The following KLC1 variants were observed in gnomAD, a reference collection of about 807,000 sequenced individuals.
KLC1 encodes kinesin 2 60/70kDa.
KLC1 carries 30 observed loss-of-function variants against 84.2 expected under a neutral mutation model. The observed-to-expected ratio is 0.36, with a 90% CI of 0.27 to 0.48. The LOEUF (loss-of-function observed/expected upper bound fraction) is 0.48. Among genes scored for constraint, KLC1 ranks in the 20% least tolerant of loss-of-function variants. The pLI, the probability that KLC1 is intolerant of heterozygous loss-of-function variation, is 0.99. For synonymous variants in KLC1, 289 were observed against 293.3 expected (o/e 0.99, Z 0.15); for missense variants, 499 against 805.4 (o/e 0.62, Z 4.60).
At chr14:103,629,567 T>A (rs2076504578) in intron 1 of KLC1, 73 bp downstream of exon 1, 1 of 152,516 alleles carries the variant, frequency 6.6e-6, no homozygotes, top group Non-Finnish European at 1.5e-5. Flanking sequence ...CCGCTCCTCT[T>A]CGGACCCGCC....
At chr14:103,655,661 T>C (rs1265467096) in intron 2 of KLC1, among the ~76,000 whole-genome samples, 3 of 151,636 alleles carry the variant, frequency 2.0e-5, no homozygotes, top group Admixed American at 1.3e-4. Flanking sequence ...CAGGCTGGAG[T>C]GCAATGGCTC....
intron 1 of KLC1, among the ~76,000 whole-genome samples, chr14:103,649,296 A>G (rs1435686650): frequency 6.6e-6 from 1 of 152,076 alleles, no homozygotes; most frequent in Non-Finnish European, 1.5e-5. Context: ...GAAAACCACA[A>G]TACTATATAA....
At chr14:103,662,235 G>T (rs768708225) in intron 4 of KLC1, 41 bp downstream of exon 4, 9 of 1,479,298 alleles carry the variant, frequency 6.1e-6, no homozygotes, top group Middle Eastern at 1.7e-4. Context: ...GAGTGCAGAA[G>T]AGAGGTGTTC....
In KLC1 at chr14:103,679,546, G is replaced by T. The variant is rs770845853; in HGVS notation, c.1650+1G>T. 3 of 1,612,294 alleles carry T rather than the reference G, an allele frequency of 1.9e-6. No individual in the cohort carries two copies. Among genetic ancestry groups the T allele is most frequent in the Non-Finnish European group, 1.7e-6 (2 of 1,178,500 alleles). ...GAGTATGAGCGTAGAGTGGAACGGG[G>T]TAAGTACAGTACACAGCGGGCACGT... On this transcript the variant is annotated splice_donor_variant, in intron 13 of 16. Transcript: ENST00000334553. LOFTEE classifies it high-confidence loss of function.
At chr14:103,640,370 T>C (rs983440464) in intron 1 of KLC1, among the ~76,000 whole-genome samples, 1 of 151,446 alleles carries the variant, frequency 6.6e-6, no homozygotes, top group African/African-American at 2.4e-5. Flanking sequence ...TGTGAATTCT[T>C]TTTTTTTTGA....
intron 13 of KLC1, among the ~76,000 whole-genome samples, chr14:103,682,053 G>A (rs1411778990): frequency 6.6e-6 from 1 of 152,088 alleles, no homozygotes; most frequent in Non-Finnish European, 1.5e-5. Flanking sequence ...TTAAAATAGA[G>A]ACATAGGTGT....
chr14:103,687,832 TG>T (rs1417050770), intron 14 of KLC1: 1 of 152,222 alleles, frequency 6.6e-6, no homozygotes, highest in African/African-American at 2.4e-5. Context: ...AGATATCCTT[TG>T]TTTTTAATAT....
At position 103,699,854 on chromosome 14, in the gene KLC1, G is replaced by A. The variant is rs577356045; in HGVS notation, c.1849-801G>A. 183 of 499,810 alleles carry A rather than the reference G, an allele frequency of 3.7e-4. No individual in the cohort carries two copies. In the East Asian group the frequency reaches 4.5e-3, roughly 12 times the overall value. 31.0% of individuals were successfully genotyped at this position (499,810 alleles called of 1,614,324 possible). The stretch of plus-strand genomic sequence containing the variant: ...GTCACCCCTTGGCTGTGCCAACACC[G>A]TCCTCTGTAGAGGTGTCCTTTGCGC... On this transcript the variant is annotated intron_variant, in intron 15 of 16. Transcript: ENST00000334553.
intron 14 of KLC1, among the ~76,000 whole-genome samples, chr14:103,691,615 C>G (rs1345850732): frequency 1.1e-4 from 16 of 151,812 alleles, no homozygotes; most frequent in Admixed American, 1.1e-3. Context: ...ATTACAGGCA[C>G]ATGCCACCAT....
intron 15 of KLC1, chr14:103,696,962 C>T: frequency 3.0e-6 from 3 of 985,446 alleles, no homozygotes; most frequent in Non-Finnish European, 3.6e-6. Context: ...CCCTCGGCCC[C>T]TTCCCTCCAG....
intron 13 of KLC1, chr14:103,683,134 A>C (rs1218864258): frequency 1.3e-5 from 2 of 152,342 alleles, no homozygotes; most frequent in South Asian, 2.1e-4. Flanking sequence ...CAAACTGGTT[A>C]ATGATAATCG....
chr14:103,643,488 G>C (rs1182023333), intron 1 of KLC1, among the ~76,000 whole-genome samples: 1 of 152,220 alleles, frequency 6.6e-6, no homozygotes, highest in Non-Finnish European at 1.5e-5. Context: ...TATTTGAAAA[G>C]ATTTATTCTG....
At chr14:103,650,540 A>C (rs988397492) in intron 1 of KLC1, among the ~76,000 whole-genome samples, 6 of 151,968 alleles carry the variant, frequency 3.9e-5, no homozygotes, top group African/African-American at 1.2e-4. Flanking sequence ...TGCAGAAATC[A>C]GTAAATCAGT....
Position 103,692,479 on chromosome 14 carries a change from T to C in KLC1, c.1848+54T>C, listed in dbSNP as rs1281681913. 4.7e-6 allele frequency: 7 copies of C among 1,476,390 alleles called. No individual in the cohort carries two copies. The African/African-American group carries it at 9.7e-5, about 21-fold the overall frequency. The allele number at this position is 1,476,390 out of a possible 1,614,324, so 91.5% of individuals were successfully genotyped here. A position where few individuals can be genotyped will look rare whatever the true frequency, so the allele number is the denominator to read the frequency against. On this transcript the variant is annotated intron_variant, in intron 15 of 16. Transcript: ENST00000334553. The stretch of plus-strand genomic sequence containing the variant: ...AGGCTGCCCAGACCACGCTGGCAGG[T>C]CTGCTGCAGACCCGCACTCGGCCCC...
intron 2 of KLC1, among the ~76,000 whole-genome samples, 193 bp downstream of exon 2, chr14:103,655,018 G>C (rs2078722955): frequency 6.6e-6 from 1 of 152,112 alleles, no homozygotes; most frequent in Non-Finnish European, 1.5e-5. Context: ...CTTGAGGTCA[G>C]GAGTTTGAGA....
intron 15 of KLC1, chr14:103,699,504 T>C: frequency 6.2e-7 from 1 of 1,613,008 alleles, no homozygotes; most frequent in African/African-American, 1.3e-5. Flanking sequence ...ACCGAGTCGA[T>C]GACCACCAGG....
rs770774833 is a variant in KLC1, at chr14:103,694,686, AC to A, written c.1848+2262del. ...ACGGGATGGAGGGGCGGTCTGTGAA[AC>A]ACCAGCCATCCCGTGAAAGCTCAGC... is the stretch of plus-strand genomic sequence containing the variant. On this transcript the variant is annotated intron_variant, in intron 15 of 16. Transcript: ENST00000334553. The surrounding 1 kb of genome is among the most constrained non-coding windows in gnomAD (Gnocchi z 4.5). 36 of 985,308 alleles carry A rather than the reference AC, an allele frequency of 3.7e-5. No homozygotes were observed. The highest frequency in any genetic ancestry group is 4.1e-5 in the Non-Finnish European group (34 of 829,930). 61.0% of individuals were successfully genotyped at this position (985,308 alleles called of 1,614,324 possible).
At chr14:103,688,180 C>T (rs1276008147) in intron 14 of KLC1, 4 of 152,186 alleles carry the variant, frequency 2.6e-5, no homozygotes, top group African/African-American at 4.8e-5. Context: ...GATGGAGTTT[C>T]GTTCTTGTTC....
chr14:103,675,497 T>G, intron 9 of KLC1, 55 bp from the exon 10 acceptor site: 4 of 1,483,972 alleles, frequency 2.7e-6, no homozygotes, highest in Non-Finnish European at 3.7e-6. Context: ...GCAGTTCAGA[T>G]TTTGGAGTTT....
Sources: gnomAD v4.1 joint callset for allele counts (sites outside exome capture counted in the v4.1 genomes callset) on GRCh38, gnomAD v4.1.1 for gene constraint, Gnocchi (gnomAD v3.1) non-coding constraint, MANE v1.5 for transcripts, NCBI Gene and HGNC (gene_info 2026-07-23, HGNC 2026-07-21) for gene names.